FHIT: variants seen among roughly 807,000 people sequenced by gnomAD.
FHIT encodes bis(5'-adenosyl)-triphosphatase.
FHIT carries 19 observed loss-of-function variants against 17.9 expected under a neutral mutation model. The observed-to-expected ratio is 1.06, with a 90% CI of 0.74 to 1.56. The LOEUF (loss-of-function observed/expected upper bound fraction) is 1.56. FHIT is among the 40% of genes most tolerant of loss of function. FHIT has a pLI of 0.00. For missense variants in FHIT, 248 were observed against 189.2 expected (o/e 1.31, Z -1.82); for synonymous variants, 81 against 69.7 (o/e 1.16, Z -0.81).
At chr3:60,663,164 C>G (rs1206503586) in intron 4 of FHIT, among the ~76,000 whole-genome samples, 1 of 28,526 alleles carries the variant, frequency 3.5e-5, no homozygotes, top group Non-Finnish European at 8.0e-5. Context: ...ATATATATCT[C>G]TTTAATGTTG....
At chr3:60,845,380 T>C (rs1702890118) in intron 3 of FHIT, among the ~76,000 whole-genome samples, 1 of 151,892 alleles carries the variant, frequency 6.6e-6, no homozygotes, top group Non-Finnish European at 1.5e-5. Flanking sequence ...TTAATAGAAC[T>C]ACCATAGCTA....
At chr3:60,789,769 A>T (rs573183543) in intron 4 of FHIT, among the ~76,000 whole-genome samples, 31 of 152,348 alleles carry the variant, frequency 2.0e-4, no homozygotes, top group Non-Finnish European at 4.4e-4. Context: ...AGAAGGAAAA[A>T]AAAAATTCAT....
chr3:60,674,425 A>C (rs1389008398), intron 4 of FHIT, among the ~76,000 whole-genome samples: 1 of 152,148 alleles, frequency 6.6e-6, no homozygotes, highest in African/African-American at 2.4e-5. Flanking sequence ...TTTTCTGATT[A>C]ATGGAGCTTC....
intron 4 of FHIT, among the ~76,000 whole-genome samples, chr3:60,565,565 A>T (rs1415564143): frequency 6.6e-6 from 1 of 152,248 alleles, no homozygotes; most frequent in Non-Finnish European, 1.5e-5. Flanking sequence ...GTTACACAAC[A>T]AAATGAATAC....
chr3:60,242,362 T>C (rs1344490696), intron 5 of FHIT, among the ~76,000 whole-genome samples: 2 of 152,126 alleles, frequency 1.3e-5, no homozygotes, highest in African/African-American at 2.4e-5. Flanking sequence ...TCTCAGTACA[T>C]ACTTACATCC....
At chr3:60,957,106 C>T (rs554824258) in intron 3 of FHIT, among the ~76,000 whole-genome samples, 9 of 152,092 alleles carry the variant, frequency 5.9e-5, no homozygotes, top group South Asian at 4.2e-4. Context: ...GATACTAAGC[C>T]GGGCAGAGAT....
intron 7 of FHIT, among the ~76,000 whole-genome samples, chr3:59,965,043 C>T (rs1318396680): frequency 6.6e-6 from 1 of 152,108 alleles, no homozygotes; most frequent in African/African-American, 2.4e-5. Flanking sequence ...CAAAAAAACA[C>T]TTGTGGCCCT....
intron 4 of FHIT, among the ~76,000 whole-genome samples, chr3:60,607,673 C>T (rs1018012766): frequency 3.3e-5 from 5 of 152,050 alleles, no homozygotes; most frequent in African/African-American, 1.2e-4. Context: ...TCATTTCTCC[C>T]TTCAATTATT....
intron 5 of FHIT, among the ~76,000 whole-genome samples, chr3:60,330,114 T>C (rs891866976): frequency 1.3e-5 from 2 of 152,176 alleles, no homozygotes; most frequent in African/African-American, 4.8e-5. Context: ...ATAAAATATT[T>C]CCAGTCTCTA....
intron 5 of FHIT, among the ~76,000 whole-genome samples, chr3:60,101,494 T>G (rs1704188919): frequency 6.6e-6 from 1 of 152,204 alleles, no homozygotes; most frequent in Admixed American, 6.5e-5. Flanking sequence ...TCTACAAAGG[T>G]CTCTGCCTTC....
intron 5 of FHIT, among the ~76,000 whole-genome samples, chr3:60,215,351 C>A (rs1281791385): frequency 6.6e-6 from 1 of 151,904 alleles, no homozygotes; most frequent in Non-Finnish European, 1.5e-5. Flanking sequence ...TGGTGGTGCA[C>A]ACCTGTAATC....
chr3:60,729,758 AAT>A (rs35923972), intron 4 of FHIT, among the ~76,000 whole-genome samples: 91,316 of 149,354 alleles, frequency 0.61, 27,974 homozygotes, highest in East Asian at 0.78. Flanking sequence ...AGATTTTAAA[AAT>A]ATATATATAT....
At chr3:60,126,369 G>A (rs79579618) in intron 5 of FHIT, among the ~76,000 whole-genome samples, 2,992 of 152,222 alleles carry the variant, frequency 0.02, 100 homozygotes, top group African/African-American at 0.067. Flanking sequence ...TCAGTTGAGT[G>A]TACCCTCTCT....
At chr3:59,849,706 G>A (rs535108128) in intron 8 of FHIT, among the ~76,000 whole-genome samples, 8 of 152,208 alleles carry the variant, frequency 5.3e-5, no homozygotes, top group Admixed American at 1.3e-4. Context: ...AATTAATGAC[G>A]AACTATCTAA....
At chr3:60,341,469 G>A (rs1710512463) in intron 5 of FHIT, among the ~76,000 whole-genome samples, 1 of 152,158 alleles carries the variant, frequency 6.6e-6, no homozygotes, top group South Asian at 2.1e-4. Context: ...GATTGAATGA[G>A]AAAAATGTGT....
At chr3:60,435,459 C>A (rs77770554) in intron 5 of FHIT, among the ~76,000 whole-genome samples, 10,196 of 148,536 alleles carry the variant, frequency 0.069, 778 homozygotes, top group East Asian at 0.36. Flanking sequence ...TTTTTACCAG[C>A]AACTTGATTT....
At chr3:60,566,343 A>G (rs1381313677) in intron 4 of FHIT, among the ~76,000 whole-genome samples, 15 of 152,148 alleles carry the variant, frequency 9.9e-5, no homozygotes, top group Non-Finnish European at 2.1e-4. Context: ...TATAAACAGA[A>G]CCAACGACAA....
chr3:60,731,224 T>C (rs1302506173), intron 4 of FHIT, among the ~76,000 whole-genome samples: 1 of 152,158 alleles, frequency 6.6e-6, no homozygotes, highest in Non-Finnish European at 1.5e-5. Flanking sequence ...TCAAAGAATG[T>C]TACCAGCAGT....
At chr3:60,812,300 T>G (rs10866040) in intron 4 of FHIT, among the ~76,000 whole-genome samples, 1 of 151,322 alleles carries the variant, frequency 6.6e-6, no homozygotes, top group African/African-American at 2.4e-5. Flanking sequence ...GCAGCTCAGA[T>G]TCCCAAGCAG....
Sources: gnomAD v4.1 joint callset for allele counts (sites outside exome capture counted in the v4.1 genomes callset) on GRCh38, gnomAD v4.1.1 for gene constraint, MANE v1.5 for transcripts, NCBI Gene and HGNC (gene_info 2026-07-23, HGNC 2026-07-21) for gene names.